Variants in THTPA observed in about 807,000 individuals in gnomAD.
THTPA encodes thiamine-triphosphatase.
In THTPA, 16 loss-of-function variants were observed where a neutral mutation model predicts 16.5. The ratio of observed to expected loss-of-function variants is 0.97; its 90% CI spans 0.66 to 1.47. The LOEUF is 1.47. THTPA is among the 40% of genes most tolerant of loss of function. The probability of loss-of-function intolerance (pLI) is 0.00; values close to 1 mark genes in which losing one functional copy is unlikely to be tolerated. For missense variants in THTPA, 281 were observed against 280.9 expected, an observed-to-expected ratio of 1.00 and a Z score of 0.00; for synonymous variants, 110 against 115.5, an observed-to-expected ratio of 0.95 and a Z score of 0.30.
At chr14:23,522,155 GC>G in the THTPA span, 1 of 1,511,180 alleles carries the variant, frequency 6.6e-7, no homozygotes, top group Non-Finnish European at 8.8e-7. Context: ...GGAGGCTAGG[GC>G]TTCACGCCCA....
In THTPA at chr14:23,557,040, G is replaced by A. The variant is rs779514631; in HGVS notation, c.283G>A (p.Val95Met). 1.2e-6 allele frequency: 2 copies of A among 1,614,260 alleles called. No homozygotes were observed. Among genetic ancestry groups the A allele is most frequent in the South Asian group, 1.1e-5 (1 of 91,080 alleles). ...EPTIVAQLCK[V>M]LRADGLGAGD... is the part of the protein sequence containing the mutation. ...TACAATTGTGGCCCAACTCTGTAAGGTGCTGCGGGCTGACGGCCTGGGGGC... is the reference window on the plus strand; with the variant it reads ...TACAATTGTGGCCCAACTCTGTAAGATGCTGCGGGCTGACGGCCTGGGGGC... Residue 95 changes from valine (V) to methionine (M), a missense_variant, in exon 1 of 2, where the codon GTG becomes ATG. Transcript: ENST00000288014.
the THTPA span, chr14:23,534,890 C>T: frequency 1.7e-4 from 263 of 1,536,140 alleles, 2 homozygotes; most frequent in African/African-American, 3.2e-3. This position sits in a 1 kb window ranked among gnomAD's most constrained non-coding sequence, Gnocchi z 4.5. Context: ...ATGCCCGCCT[C>T]ACCCCAGGGG....
At chr14:23,558,455 G>C (rs1882815575) in intron 1 of THTPA, among the ~76,000 whole-genome samples, 1 of 152,216 alleles carries the variant, frequency 6.6e-6, no homozygotes. Context: ...CTCCTTGCTG[G>C]AGGAGAGAGG....
chr14:23,524,575 T>A, the THTPA span: 1 of 1,534,558 alleles, frequency 6.5e-7, no homozygotes, highest in South Asian at 1.2e-5. This position sits in a 1 kb window ranked among gnomAD's most constrained non-coding sequence, Gnocchi z 5.6. Flanking sequence ...GGAAATGTAG[T>A]CGGCGGTGAC....
chr14:23,537,377 G>C, the THTPA span, among the ~76,000 whole-genome samples: 2 of 152,114 alleles, frequency 1.3e-5, no homozygotes, highest in Non-Finnish European at 2.9e-5. Flanking sequence ...TAAACTGGTA[G>C]TGCTTCAGGC....
chr14:23,526,454 G>A, the THTPA span: 4 of 1,536,210 alleles, frequency 2.6e-6, no homozygotes, highest in Admixed American at 5.9e-5. Flanking sequence ...GTCAGCTGGA[G>A]CTGGCTCTGC....
the THTPA span, chr14:23,521,330 T>C: frequency 1.3e-5 from 2 of 152,588 alleles, no homozygotes; most frequent in Non-Finnish European, 2.9e-5. Flanking sequence ...TAGAGTTTTG[T>C]GGGCTCCCTG....
At chr14:23,535,137 C>T in the THTPA span, 23 of 1,535,992 alleles carry the variant, frequency 1.5e-5, no homozygotes, top group South Asian at 4.8e-5. The surrounding 1 kb of genome is among the most constrained non-coding windows in gnomAD (Gnocchi z 4.5). Flanking sequence ...GGCCACAGCC[C>T]GACTCCAGGA....
upstream of THTPA, among the ~76,000 whole-genome samples, chr14:23,555,565 CAG>C (rs1882294277): frequency 6.6e-6 from 1 of 152,164 alleles, no homozygotes; most frequent in East Asian, 1.9e-4. Flanking sequence ...TATTCTCTGA[CAG>C]AAAGTTTCTC....
chr14:23,557,200 C>T lies in THTPA; in HGVS notation c.443C>T (p.Thr148Ile), dbSNP rs1374818172. The T allele has an allele frequency of 6.2e-6, 10 of 1,614,088 alleles. No homozygotes were observed. The highest frequency in any genetic ancestry group is 2.2e-5 in the East Asian group (1 of 44,878). ...CCACAGCTCAGGGTGGACTTGGATA[C>T]AGCCGACTTTGGCTACGCTGTGGGT... ...EEPQLRVDLD[T>I]ADFGYAVGEV... Residue 148 changes from threonine to isoleucine, a missense_variant, in exon 1 of 2, where the codon ACA becomes ATA. Thr to Ile is a moderately conservative substitution (Grantham distance 89). Coordinates refer to ENST00000288014, the MANE Select transcript of THTPA (RefSeq NM_024328.6).
chr14:23,543,888 C>T, the THTPA span: 1 of 151,946 alleles, frequency 6.6e-6, no homozygotes, highest in African/African-American at 2.4e-5. Context: ...GACCTGGAAT[C>T]AAATTCTAGT....
chr14:23,528,553 C>T, the THTPA span: 1 of 963,744 alleles, frequency 1.0e-6, no homozygotes, highest in East Asian at 1.1e-4. Context: ...TTCCTCTGGG[C>T]ATTTTCTGGA....
chr14:23,526,083 C>G, the THTPA span: 2 of 1,536,518 alleles, frequency 1.3e-6, no homozygotes, highest in Non-Finnish European at 1.7e-6. Context: ...CGTTCTGGCC[C>G]TTCAATCTTG....
chr14:23,528,463 C>T, the THTPA span, among the ~76,000 whole-genome samples: 1 of 152,186 alleles, frequency 6.6e-6, no homozygotes, highest in African/African-American at 2.4e-5. Context: ...TGGCTCTGTA[C>T]CTACTGCCCC....
chr14:23,557,169 G>C lies in THTPA; in HGVS notation c.412G>C (p.Glu138Gln), dbSNP rs771378115. 6.2e-7 allele frequency: 1 copy of C among 1,614,150 alleles called. No individual in the cohort carries two copies. Among genetic ancestry groups the C allele is most frequent in the East Asian group, 2.2e-5 (1 of 44,872 alleles). Residue 138 changes from glutamate (E) to glutamine (Q), a missense_variant, in exon 1 of 2, where the codon GAG becomes CAG. Transcript: ENST00000288014. The stretch of plus-strand genomic sequence containing the variant: ...GCTGGTGCTCTTGGGAGCTGATGAA[G>C]AGGAGCCACAGCTCAGGGTGGACTT... ...WKLVLLGADE[E>Q]EPQLRVDLDT...
chr14:23,547,239 C>A, the THTPA span, among the ~76,000 whole-genome samples: 1 of 152,344 alleles, frequency 6.6e-6, no homozygotes, highest in African/African-American at 2.4e-5. Context: ...CCTCCTTTGG[C>A]CTTTTGGCCC....
At chr14:23,531,493 G>C in the THTPA span, 4 of 1,423,442 alleles carry the variant, frequency 2.8e-6, no homozygotes, top group Admixed American at 2.4e-5. Context: ...GGAGTCCGGA[G>C]CTGCCCGTGG....
the THTPA span, chr14:23,526,557 G>A: frequency 6.5e-7 from 1 of 1,535,976 alleles, no homozygotes; most frequent in Non-Finnish European, 8.7e-7. Context: ...TCAGGGACTG[G>A]AGATGGGGCT....
At chr14:23,547,598 G>A in the THTPA span, among the ~76,000 whole-genome samples, 1 of 152,104 alleles carries the variant, frequency 6.6e-6, no homozygotes, top group Admixed American at 6.5e-5. Context: ...TCCCCTGGCT[G>A]CCTCCAAGTG....
Sources: gnomAD v4.1 joint callset for allele counts (sites outside exome capture counted in the v4.1 genomes callset) on GRCh38, gnomAD v4.1.1 for gene constraint, Gnocchi (gnomAD v3.1) non-coding constraint, MANE v1.5 for transcripts, NCBI Gene and HGNC (gene_info 2026-07-23, HGNC 2026-07-21) for gene names.